C12orf42: variants seen among roughly 807,000 people sequenced by gnomAD.
C12orf42 encodes the protein chromosome 12 open reading frame 42.
A neutral mutation model predicts 21.6 loss-of-function variants in C12orf42; 25 were observed. The observed-to-expected ratio is 1.16, with a 90% CI of 0.84 to 1.62. C12orf42 has a LOEUF of 1.62. C12orf42 is among the 40% of genes most tolerant of loss of function. The pLI, the probability that C12orf42 is intolerant of heterozygous loss-of-function variation, is 0.00. For missense variants in C12orf42, 483 were observed against 459.3 expected, an observed-to-expected ratio of 1.05 and a Z score of -0.47; for synonymous variants, 174 against 175.0, an observed-to-expected ratio of 0.99 and a Z score of 0.05.
At chr12:103,190,971 T>A in the C12orf42 span, among the ~76,000 whole-genome samples, 4 of 152,166 alleles carry the variant, frequency 2.6e-5, no homozygotes, top group South Asian at 4.1e-4. Context: ...TTATAAGTTT[T>A]CAAATGTCAA....
At chr12:103,476,742 T>G (rs1209978145) in intron 2 of C12orf42, among the ~76,000 whole-genome samples, 1 of 152,224 alleles carries the variant, frequency 6.6e-6, no homozygotes, top group East Asian at 1.9e-4. Context: ...AAGTTGTCCA[T>G]AAATGCTAGC....
the C12orf42 span, among the ~76,000 whole-genome samples, chr12:103,146,592 GAAAGAA>G: frequency 6.7e-6 from 1 of 148,822 alleles, no homozygotes; most frequent in African/African-American, 2.5e-5. Flanking sequence ...AAGAAAGAAA[GAAAGAA>G]AGAAAGAAAG....
intron 2 of C12orf42, among the ~76,000 whole-genome samples, chr12:103,465,599 C>T (rs1211301641): frequency 2.0e-5 from 3 of 152,154 alleles, no homozygotes; most frequent in East Asian, 3.9e-4. Context: ...CTTTCTTTCT[C>T]TTGCCTGATT....
At chr12:103,330,719 T>C (rs2041172872) in intron 4 of C12orf42, among the ~76,000 whole-genome samples, 1 of 152,216 alleles carries the variant, frequency 6.6e-6, no homozygotes, top group Non-Finnish European at 1.5e-5. Flanking sequence ...TTTCACAACC[T>C]ATATAATCTT....
chr12:103,301,288 G>A (rs1055550879), downstream of C12orf42, among the ~76,000 whole-genome samples: 2 of 152,170 alleles, frequency 1.3e-5, no homozygotes, highest in South Asian at 4.1e-4. Flanking sequence ...GTGCAAAACT[G>A]CATGTATGCA....
the C12orf42 span, among the ~76,000 whole-genome samples, chr12:103,217,645 G>A: frequency 3.9e-4 from 60 of 152,020 alleles, no homozygotes; most frequent in South Asian, 3.1e-3. Flanking sequence ...ATGCTGTGCC[G>A]GCTACTTTCC....
At chr12:103,554,086 G>T in the C12orf42 span, among the ~76,000 whole-genome samples, 1 of 152,174 alleles carries the variant, frequency 6.6e-6, no homozygotes, top group African/African-American at 2.4e-5. Flanking sequence ...AGAGAGGAAA[G>T]TTTTGACTTT....
At chr12:103,331,866 A>C (rs2041265767) in intron 4 of C12orf42, among the ~76,000 whole-genome samples, 1 of 152,236 alleles carries the variant, frequency 6.6e-6, no homozygotes, top group South Asian at 2.1e-4. Flanking sequence ...ACAGGATAGC[A>C]GTATAGGCAG....
At chr12:103,505,480 T>C in the C12orf42 span, 2 of 383,766 alleles carry the variant, frequency 5.2e-6, no homozygotes, top group Non-Finnish European at 4.9e-6. Context: ...CTCTGAGTCA[T>C]GGGAACGTGG....
the C12orf42 span, among the ~76,000 whole-genome samples, chr12:103,556,054 C>G: frequency 6.6e-6 from 1 of 152,182 alleles, no homozygotes; most frequent in Non-Finnish European, 1.5e-5. Context: ...GGATCTGCTA[C>G]CATCAATAAA....
intron 2 of C12orf42, among the ~76,000 whole-genome samples, chr12:103,423,864 G>A (rs958746863): frequency 5.3e-5 from 8 of 152,136 alleles, no homozygotes; most frequent in African/African-American, 1.9e-4. Flanking sequence ...ATAACAAGTT[G>A]AGAATTAGAC....
the C12orf42 span, among the ~76,000 whole-genome samples, chr12:103,065,703 C>A: frequency 6.6e-6 from 1 of 152,134 alleles, no homozygotes; most frequent in African/African-American, 2.4e-5. Flanking sequence ...TTTCTAGGGG[C>A]CCAGTGGTGT....
chr12:103,368,162 T>C (rs2137876005), intron 4 of C12orf42: 1 of 695,228 alleles, frequency 1.4e-6, no homozygotes, highest in East Asian at 6.5e-5. Flanking sequence ...ATGGTGACAA[T>C]GTTATGGGGA....
chr12:103,410,419 T>C (rs980917316), intron 2 of C12orf42, among the ~76,000 whole-genome samples: 4 of 152,162 alleles, frequency 2.6e-5, no homozygotes, highest in Non-Finnish European at 5.9e-5. Context: ...GTGTTCCAAT[T>C]TGTATGCTTT....
intron 1 of C12orf42, among the ~76,000 whole-genome samples, chr12:103,481,256 C>T (rs1450271715): frequency 6.6e-6 from 1 of 151,762 alleles, no homozygotes; most frequent in Non-Finnish European, 1.5e-5. Flanking sequence ...AAAAATAAAA[C>T]ATGGGTTTAT....
chr12:103,379,702 A>C (rs1049432917), intron 3 of C12orf42, among the ~76,000 whole-genome samples: 3 of 152,132 alleles, frequency 2.0e-5, no homozygotes, highest in African/African-American at 7.2e-5. Context: ...TCAGAGTATT[A>C]CCCTCCCTTC....
the C12orf42 span, among the ~76,000 whole-genome samples, chr12:103,071,715 G>A: frequency 5.9e-5 from 9 of 151,936 alleles, no homozygotes; most frequent in Non-Finnish European, 8.8e-5. Flanking sequence ...TTCACCTTCC[G>A]CCATTACTGT....
intron 3 of C12orf42, among the ~76,000 whole-genome samples, chr12:103,390,475 C>A (rs1044107778): frequency 6.6e-6 from 1 of 152,214 alleles, no homozygotes; most frequent in African/African-American, 2.4e-5. Flanking sequence ...TTCTCCCCAG[C>A]CCCTGGTAAC....
the C12orf42 span, among the ~76,000 whole-genome samples, chr12:103,207,942 C>G: frequency 1.2e-4 from 18 of 152,306 alleles, no homozygotes; most frequent in Non-Finnish European, 2.2e-4. Context: ...CCTGTGACAG[C>G]TGGCAAAAAC....
Sources: allele counts gnomAD v4.1 joint callset (sites outside exome capture counted in the v4.1 genomes callset), GRCh38; gene constraint gnomAD v4.1.1; transcripts MANE v1.5; gene names NCBI Gene and HGNC (gene_info 2026-07-23, HGNC 2026-07-21).